Variants in CCDC85C observed in about 807,000 individuals in gnomAD.
CCDC85C encodes the protein coiled-coil domain-containing protein 85C.
In CCDC85C, 18 loss-of-function variants were observed where a neutral mutation model predicts 38.3. That is an observed-to-expected ratio of 0.47 (90% CI 0.33 to 0.70). The LOEUF (loss-of-function observed/expected upper bound fraction) is 0.70, where lower values mean the gene tolerates loss of function less well. CCDC85C is among the 30% of genes least tolerant of loss of function. The pLI is 0.03. For missense variants in CCDC85C, 566 were observed against 621.2 expected, an observed-to-expected ratio of 0.91 and a Z score of 0.94; for synonymous variants, 264 against 293.8, an observed-to-expected ratio of 0.90 and a Z score of 1.04.
rs771816459 is a variant in CCDC85C, at chr14:99,503,065, C to A, written c.*12181G>T. 19 of 1,466,578 alleles carry A rather than the reference C, an allele frequency of 1.3e-5. No individual in the cohort carries two copies. The African/African-American group carries it at 2.2e-4, about 17-fold the overall frequency. 90.8% of individuals were successfully genotyped at this position (1,466,578 alleles called of 1,614,324 possible). ...CCTGAGCACTGTTCCCATTTCTAAG[C>A]GAGCACAGGGAACACCGGAAGCAGG... On this transcript the variant is annotated 3_prime_UTR_variant, in exon 6 of 6. Transcript: ENST00000380243.
At chr14:99,595,722 G>C (rs746136837) in intron 1 of CCDC85C, among the ~76,000 whole-genome samples, 11 of 152,206 alleles carry the variant, frequency 7.2e-5, no homozygotes, top group Non-Finnish European at 1.5e-4. Context: ...ATACCGGCTG[G>C]CACAGGCTCC....
intron 1 of CCDC85C, among the ~76,000 whole-genome samples, chr14:99,593,709 G>A (rs1033371093): frequency 6.6e-6 from 1 of 152,246 alleles, no homozygotes; most frequent in Non-Finnish European, 1.5e-5. Context: ...CCCAGTGTGG[G>A]CGCATCCTCG....
Position 99,502,666 on chromosome 14 carries a change from A to G in CCDC85C, c.*12580T>C. ...ATAACTGATTCTTTATCCAGGTAAA[A>G]TTTTATTTAAAATACCAATTTGTGT... On this transcript the variant is annotated 3_prime_UTR_variant, in exon 6 of 6. Coordinates refer to ENST00000380243, the MANE Select transcript of CCDC85C (RefSeq NM_001144995.2). The G allele has an allele frequency of 2.6e-6, 4 of 1,554,722 alleles. No individual in the cohort carries two copies. The South Asian group carries it at 4.5e-5, about 18-fold the overall frequency.
At position 99,507,934 on chromosome 14, in the gene CCDC85C, C is replaced by T. The variant is rs1410385105; in HGVS notation, c.*7312G>A. 4 of 152,216 alleles carry T rather than the reference C, an allele frequency of 2.6e-5. No homozygotes were observed. Among genetic ancestry groups the T allele is most frequent in the African/African-American group, 9.7e-5 (4 of 41,440 alleles). The allele number at this position is 152,216 out of a possible 1,614,324, so 9.4% of individuals were successfully genotyped here. A position where few individuals can be genotyped will look rare whatever the true frequency, so the allele number is the denominator to read the frequency against. ...CTGTAAAGTAGATGGCATTCTTTAC[C>T]TGTGGCACCATTTCAGAAGGTGATG... On this transcript the variant is annotated 3_prime_UTR_variant, in exon 6 of 6. Coordinates refer to ENST00000380243, the MANE Select transcript of CCDC85C (RefSeq NM_001144995.2).
At position 99,516,977 on chromosome 14, in the gene CCDC85C, G is replaced by C. The variant is rs1415393604; in HGVS notation, c.1071+111C>G. ...ATGGTCACCCAGCCACCCACACACA[G>C]ATGAAACCTCCCACCCCTGCCACTT... On this transcript the variant is annotated intron_variant, in intron 4 of 5. Transcript: ENST00000380243. This position sits in a 1 kb window ranked among gnomAD's most constrained non-coding sequence, Gnocchi z 5.5. 9 of 1,029,836 alleles carry C rather than the reference G, an allele frequency of 8.7e-6. No individual in the cohort carries two copies. Among genetic ancestry groups the C allele is most frequent in the Admixed American group, 2.0e-5 (1 of 49,942 alleles). 63.8% of individuals were successfully genotyped at this position (1,029,836 alleles called of 1,614,324 possible).
chr14:99,508,841 G>GT lies in CCDC85C; in HGVS notation c.*6404dup, dbSNP rs1398019950. On this transcript the variant is annotated 3_prime_UTR_variant, in exon 6 of 6. Coordinates refer to ENST00000380243, the MANE Select transcript of CCDC85C (RefSeq NM_001144995.2). ...TTCTGCAAGGTGGAGGAGCAGGCCT[G>GT]TGGGCCCAGGTGGCTGTGGAGTGAC... 6.6e-6 allele frequency: 1 copy of GT among 152,456 alleles called. No individual in the cohort carries two copies. The highest frequency in any genetic ancestry group is 2.4e-5 in the African/African-American group (1 of 41,470). The allele number at this position is 152,456 out of a possible 1,614,324, so 9.4% of individuals were successfully genotyped here.
intron 1 of CCDC85C, among the ~76,000 whole-genome samples, chr14:99,549,176 A>G (rs1022868886): frequency 1.3e-5 from 2 of 152,210 alleles, no homozygotes; most frequent in African/African-American, 4.8e-5. Flanking sequence ...TCGCTGTCTC[A>G]TTATTCTCCA....
chr14:99,546,731 G>A (rs902406192), intron 1 of CCDC85C, among the ~76,000 whole-genome samples: 3 of 152,202 alleles, frequency 2.0e-5, no homozygotes, highest in Middle Eastern at 3.4e-3. Flanking sequence ...GTGTGGCCAC[G>A]GTGCCGGCGG....
At chr14:99,517,044 C>T in intron 4 of CCDC85C, 44 bp downstream of exon 4, 1 of 1,516,224 alleles carries the variant, frequency 6.6e-7, no homozygotes, top group Non-Finnish European at 9.0e-7. Flanking sequence ...TCACAGTGCA[C>T]CCAGCATCTG....
intron 1 of CCDC85C, among the ~76,000 whole-genome samples, chr14:99,552,730 T>C (rs750964790): frequency 5.3e-5 from 8 of 152,244 alleles, no homozygotes; most frequent in Non-Finnish European, 8.8e-5. Flanking sequence ...TAGGCCAGGC[T>C]GCCTTTCACC....
intron 1 of CCDC85C, among the ~76,000 whole-genome samples, chr14:99,541,700 G>C (rs1897716552): frequency 6.6e-6 from 1 of 152,212 alleles, no homozygotes; most frequent in African/African-American, 2.4e-5. Flanking sequence ...GGGCAGAGCT[G>C]CAGGTGCCAG....
intron 1 of CCDC85C, among the ~76,000 whole-genome samples, chr14:99,537,681 C>T (rs114570227): frequency 0.016 from 2,460 of 152,280 alleles, 65 homozygotes; most frequent in African/African-American, 0.056. Context: ...CCAGCCTCCC[C>T]GCCCTGCCAG....
In CCDC85C at chr14:99,502,591, A is replaced by G; in HGVS notation, c.*12655T>C. The G allele has an allele frequency of 3.3e-6, 4 of 1,201,676 alleles. No homozygotes were observed. The South Asian group carries it at 6.0e-5, about 18-fold the overall frequency. 74.4% of individuals were successfully genotyped at this position (1,201,676 alleles called of 1,614,324 possible). On this transcript the variant is annotated 3_prime_UTR_variant, in exon 6 of 6. Transcript: ENST00000380243. ...CACACCAGTGTTGCACACAACGAAGATGGGGTGAGTTGTAAATGTGATTCA... is the reference window on the plus strand; with the variant it reads ...CACACCAGTGTTGCACACAACGAAGGTGGGGTGAGTTGTAAATGTGATTCA...
intron 1 of CCDC85C, among the ~76,000 whole-genome samples, chr14:99,584,726 C>T (rs1051127969): frequency 6.6e-6 from 1 of 152,220 alleles, no homozygotes; most frequent in African/African-American, 2.4e-5. Flanking sequence ...GTTTTCTTAC[C>T]AGTGCTCAAC....
chr14:99,516,290 A>G lies in CCDC85C; in HGVS notation c.1072-4T>C. On this transcript the variant is annotated splice_polypyrimidine_tract_variant and splice_region_variant and intron_variant, in intron 4 of 5. Transcript: ENST00000380243. This position sits in a 1 kb window ranked among gnomAD's most constrained non-coding sequence, Gnocchi z 5.5. ...GATTCTCGTGTACCTCCAGGACCTG[A>G]AGGGAACGGGTCTCGGGGTCAGGGG... The G allele has an allele frequency of 1.9e-6, 3 of 1,548,444 alleles. No homozygotes were observed. The South Asian group carries it at 3.6e-5, about 18-fold the overall frequency.
At chr14:99,577,917 AGTGTGTGTGT>A (rs368902066) in intron 1 of CCDC85C, among the ~76,000 whole-genome samples, 3 of 117,088 alleles carry the variant, frequency 2.6e-5, no homozygotes, top group Non-Finnish European at 5.2e-5. Flanking sequence ...ATCCCCCATC[AGTGTGTGTGT>A]GTGTGTGTGT....
intron 1 of CCDC85C, among the ~76,000 whole-genome samples, chr14:99,591,735 T>A (rs2055089946): frequency 1.4e-5 from 1 of 70,436 alleles, no homozygotes; most frequent in Non-Finnish European, 2.6e-5. Flanking sequence ...GTTTCTTTTC[T>A]TTTTTTTTTT....
chr14:99,517,285 C>A, intron 3 of CCDC85C, 102 bp from the exon 4 acceptor site: 1 of 933,438 alleles, frequency 1.1e-6, no homozygotes, highest in Non-Finnish European at 1.6e-6. Context: ...AGGGCCCAGG[C>A]AGGAGGAAAA....
rs1897579396 is a variant in CCDC85C at position 99,535,560 on chromosome 14, G to A, written c.867+455C>T. Among the ~76,000 whole-genome samples the A allele has an allele frequency of 1.3e-5, 2 of 152,146 alleles. No individual in the cohort carries two copies. Among genetic ancestry groups the A allele is most frequent in the African/African-American group, 4.8e-5 (2 of 41,422 alleles). ...GCCCCTGCTGCCCAGCTCTGCACAGGGGTAGCAGCCTCATCTGTCTGTGGG... is the reference window on the plus strand; with the variant it reads ...GCCCCTGCTGCCCAGCTCTGCACAGAGGTAGCAGCCTCATCTGTCTGTGGG... On this transcript the variant is annotated intron_variant, in intron 2 of 5. Coordinates refer to ENST00000380243, the MANE Select transcript of CCDC85C (RefSeq NM_001144995.2). This position sits in a 1 kb window ranked among gnomAD's most constrained non-coding sequence, Gnocchi z 5.5.
Sources: allele counts gnomAD v4.1 joint callset (sites outside exome capture counted in the v4.1 genomes callset), GRCh38; gene constraint gnomAD v4.1.1; non-coding constraint Gnocchi (gnomAD v3.1); transcripts MANE v1.5; gene names NCBI Gene and HGNC (gene_info 2026-07-23, HGNC 2026-07-21).